The following TANC2 variants were observed in gnomAD, a reference collection of about 807,000 sequenced individuals.
The protein encoded by TANC2 is protein TANC2.
In TANC2, 26 loss-of-function variants were observed where a neutral mutation model predicts 210.5. The observed-to-expected ratio is 0.12, with a 90% confidence interval of 0.09 to 0.17. The LOEUF is 0.17. TANC2 is among the 10% of genes least tolerant of loss of function. The pLI is 1.00. For synonymous variants in TANC2, 931 were observed against 967.1 expected (o/e 0.96, Z 0.69); for missense variants, 2,129 against 2,608.9 (o/e 0.82, Z 4.01).
intron 9 of TANC2, among the ~76,000 whole-genome samples, chr17:63,278,033 C>T (rs1016468403): frequency 2.7e-4 from 41 of 152,028 alleles, no homozygotes; most frequent in African/African-American, 9.6e-4. Flanking sequence ...TAGCCATGCA[C>T]GGTGGTACAC....
chr17:63,099,262 G>A (rs1326554244), exon 4 of TANC2: 5 of 1,605,152 alleles, frequency 3.1e-6, no homozygotes, highest in Non-Finnish European at 4.3e-6. Context: ...CAGCACATTC[G>A]GATTATGGAG....
intron 5 of TANC2, among the ~76,000 whole-genome samples, chr17:63,168,299 G>A (rs1451169983): frequency 6.6e-6 from 1 of 152,110 alleles, no homozygotes; most frequent in Non-Finnish European, 1.5e-5. Flanking sequence ...CAAGAGATGA[G>A]GTCCTGTGAT....
chr17:63,156,602 A>G (rs1289518221), intron 5 of TANC2, among the ~76,000 whole-genome samples: 1 of 152,232 alleles, frequency 6.6e-6, no homozygotes, highest in Non-Finnish European at 1.5e-5. Flanking sequence ...GTTGTGTATT[A>G]GAAGTATGAG....
intron 2 of TANC2, among the ~76,000 whole-genome samples, chr17:63,055,632 A>G (rs375250539): frequency 1.3e-5 from 2 of 148,864 alleles, no homozygotes; most frequent in African/African-American, 5.0e-5. Context: ...GGTAATCAGT[A>G]TTATGCAAAC....
intron 9 of TANC2, among the ~76,000 whole-genome samples, chr17:63,311,200 A>G (rs1464141591): frequency 6.6e-6 from 1 of 152,224 alleles, no homozygotes. Context: ...CTGTGATTAT[A>G]ACAGTGGAAA....
At chr17:63,179,137 C>T (rs1375080844) in intron 5 of TANC2, among the ~76,000 whole-genome samples, 1 of 152,088 alleles carries the variant, frequency 6.6e-6, no homozygotes, top group Non-Finnish European at 1.5e-5. Context: ...TTTAATTAAA[C>T]TTTATTTTTT....
chr17:63,033,331 C>T (rs2034847922), intron 2 of TANC2, among the ~76,000 whole-genome samples: 1 of 152,176 alleles, frequency 6.6e-6, no homozygotes. Context: ...ATTGGTTCCT[C>T]TGGCAGTCAT....
At chr17:63,054,032 C>G (rs531479288) in intron 2 of TANC2, among the ~76,000 whole-genome samples, 8 of 152,286 alleles carry the variant, frequency 5.3e-5, no homozygotes, top group Admixed American at 5.2e-4. Context: ...TGAAAAAGAA[C>G]ACAGTTTTAA....
At chr17:63,200,945 A>C in exon 7 of TANC2, 1 of 1,605,292 alleles carries the variant, frequency 6.2e-7, no homozygotes, top group Non-Finnish European at 8.5e-7. Context: ...AAGCAGAGAT[A>C]GTGGCATCAT....
At chr17:63,393,777 T>A (rs1490817620) in intron 17 of TANC2, among the ~76,000 whole-genome samples, 1 of 76,978 alleles carries the variant, frequency 1.3e-5, no homozygotes. Context: ...ATTATTATTA[T>A]TTTTTTTTTT....
intron 5 of TANC2, 22 bp downstream of exon 5, chr17:63,151,402 C>G: frequency 1.0e-6 from 1 of 971,770 alleles, no homozygotes; most frequent in Non-Finnish European, 1.2e-6. Flanking sequence ...TGCAAAGTGT[C>G]TGCTTTGAAA....
intron 4 of TANC2, among the ~76,000 whole-genome samples, chr17:63,114,000 A>G (rs2038155191): frequency 3.3e-5 from 5 of 152,210 alleles, no homozygotes; most frequent in African/African-American, 1.2e-4. Flanking sequence ...ATACATCTAT[A>G]TCATTCAGTA....
chr17:63,361,347 C>A (rs969410280), intron 14 of TANC2, among the ~76,000 whole-genome samples: 1 of 152,206 alleles, frequency 6.6e-6, no homozygotes, highest in Admixed American at 6.5e-5. Context: ...TCCCACACCT[C>A]CCAAGGGTGA....
At chr17:63,031,773 T>C (rs1246705377) in intron 2 of TANC2, among the ~76,000 whole-genome samples, 1 of 152,150 alleles carries the variant, frequency 6.6e-6, no homozygotes, top group Non-Finnish European at 1.5e-5. Context: ...ATACTGCCTG[T>C]AATAAATAAA....
intron 27 of TANC2, 117 bp from the exon 28 acceptor site, chr17:63,419,882 C>T: frequency 4.1e-6 from 5 of 1,230,710 alleles, no homozygotes; most frequent in Middle Eastern, 2.1e-4. Context: ...CCGAAATACC[C>T]CAGACTCCCA....
intron 5 of TANC2, among the ~76,000 whole-genome samples, chr17:63,181,018 C>T (rs2040762757): frequency 1.1e-5 from 1 of 90,990 alleles, no homozygotes; most frequent in Admixed American, 1.6e-4. Context: ...AGTGAGACTC[C>T]ATCTCAAAAA....
Position 63,085,125 on chromosome 17 carries a change from A to G in TANC2, c.139+11111A>G, listed in dbSNP as rs1022699416. Among the ~76,000 whole-genome samples the G allele has an allele frequency of 2.0e-5, 3 of 152,046 alleles. No individual in the cohort carries two copies. In the East Asian group the frequency reaches 5.8e-4, roughly 29 times the overall value. On this transcript the variant is annotated intron_variant, in intron 3 of 27. Coordinates refer to ENST00000689528, the Ensembl canonical transcript of TANC2. ...TTCCTCTATTTATCCGTGTAGTTCT[A>G]TCCATTTTTGCCTCATGTTTTGATT... is the stretch of plus-strand genomic sequence containing the variant.
exon 2 of TANC2, chr17:63,009,619 G>A (rs2033775327): frequency 6.2e-7 from 1 of 1,612,592 alleles, no homozygotes; most frequent in Non-Finnish European, 8.5e-7. Flanking sequence ...GTAAAAACAG[G>A]TCAAGTGGTA....
chr17:63,259,716 A>C (rs1351192825), intron 8 of TANC2, among the ~76,000 whole-genome samples: 1 of 152,222 alleles, frequency 6.6e-6, no homozygotes, highest in Non-Finnish European at 1.5e-5. Flanking sequence ...CTGTGCCATT[A>C]ATATTGCCAT....
Sources: gnomAD v4.1 joint callset for allele counts (sites outside exome capture counted in the v4.1 genomes callset) on GRCh38, gnomAD v4.1.1 for gene constraint, MANE v1.5 for transcripts, NCBI Gene and HGNC (gene_info 2026-07-23, HGNC 2026-07-21) for gene names.